The following AFMID variants were observed in gnomAD, a reference collection of about 807,000 sequenced individuals.
AFMID encodes kynurenine formamidase.
In AFMID, 39 loss-of-function variants were observed where a neutral mutation model predicts 47.5. That is an observed-to-expected ratio of 0.82 (90% CI 0.64 to 1.07). The LOEUF (loss-of-function observed/expected upper bound fraction) is 1.07. Among genes scored for constraint, AFMID ranks in the 50% least tolerant of loss-of-function variants. The probability of loss-of-function intolerance (pLI) is 0.00; values close to 1 mark genes in which losing one functional copy is unlikely to be tolerated. For missense variants in AFMID, 375 were observed against 387.5 expected, an observed-to-expected ratio of 0.97 and a Z score of 0.27; for synonymous variants, 130 against 153.2, an observed-to-expected ratio of 0.85 and a Z score of 1.12.
At chr17:78,194,663 T>C (rs1333014209) in intron 2 of AFMID, among the ~76,000 whole-genome samples, 2 of 152,180 alleles carry the variant, frequency 1.3e-5, no homozygotes, top group East Asian at 3.9e-4. Context: ...CCACTAGCTT[T>C]TAAATTAGTT....
chr17:78,204,818 C>G lies in AFMID; in HGVS notation c.395-10C>G. 2 of 1,614,228 alleles carry G rather than the reference C, an allele frequency of 1.2e-6. No individual in the cohort carries two copies. The highest frequency in any genetic ancestry group is 1.7e-6 in the Non-Finnish European group (2 of 1,180,040). On this transcript the variant is annotated splice_polypyrimidine_tract_variant and intron_variant, in intron 5 of 10. Transcript: ENST00000409257. The stretch of plus-strand genomic sequence containing the variant: ...GTGCATCCCTGACCCAGCTCATGCT[C>G]TCTGTGCAGGCACCCTGGACCACAT...
chr17:78,194,270 G>A (rs774660540), intron 2 of AFMID, among the ~76,000 whole-genome samples: 2 of 151,940 alleles, frequency 1.3e-5, no homozygotes, highest in Non-Finnish European at 2.9e-5. Context: ...GAATTTACAG[G>A]CGCGTGCCAC....
At chr17:78,193,109 T>C (rs1163795562) in intron 2 of AFMID, among the ~76,000 whole-genome samples, 3 of 151,902 alleles carry the variant, frequency 2.0e-5, no homozygotes, top group Admixed American at 1.3e-4. Flanking sequence ...TGGTGGCTCA[T>C]GCCTGTAATC....
At chr17:78,189,443 G>A (rs567629103) in intron 1 of AFMID, among the ~76,000 whole-genome samples, 5 of 150,768 alleles carry the variant, frequency 3.3e-5, no homozygotes, top group African/African-American at 4.9e-5. Context: ...GGATGGTCTC[G>A]AACTCCTGAC....
intron 1 of AFMID, among the ~76,000 whole-genome samples, chr17:78,190,416 G>A (rs904918089): frequency 5.3e-5 from 8 of 151,856 alleles, no homozygotes. Flanking sequence ...TTTTTTTGAG[G>A]TAGAGTCTTG....
intron 2 of AFMID, among the ~76,000 whole-genome samples, chr17:78,198,811 A>AAAAAC (rs377427188): frequency 0.031 from 4,727 of 152,024 alleles, 243 homozygotes; most frequent in African/African-American, 0.11. Flanking sequence ...TCTGTCTCAA[A>AAAAAC]AAAACAAAAC....
At chr17:78,195,447 G>C (rs1344781224) in intron 2 of AFMID, among the ~76,000 whole-genome samples, 1 of 151,058 alleles carries the variant, frequency 6.6e-6, no homozygotes, top group Non-Finnish European at 1.5e-5. Context: ...CGCCTGCCTC[G>C]ACCTCCCAAA....
At chr17:78,199,561 G>A (rs559003694) in intron 2 of AFMID, among the ~76,000 whole-genome samples, 23 of 152,054 alleles carry the variant, frequency 1.5e-4, no homozygotes, top group African/African-American at 5.5e-4. Context: ...TTTTAGTAGA[G>A]ATGGGGTTTC....
Position 78,202,590 on chromosome 17 carries a change from C to T in AFMID, c.246C>T (p.Asp82=), listed in dbSNP as rs780812146. The change falls in exon 3 of 11, where the codon GAC becomes GAT. Residue 82 remains aspartate (D), a synonymous_variant. Coordinates refer to ENST00000409257, the MANE Select transcript of AFMID (RefSeq NM_001010982.5). The part of the protein sequence containing the change: ...EGEKVDIYFP[D]ESSEALPFFL... ...AGAAAGTGGACATTTACTTCCCCGA[C>T]GAGTCGTCTGAAGGTTGTCGGTGAA... 5.2e-5 allele frequency: 84 copies of T among 1,613,774 alleles called. No homozygotes were observed. In the Admixed American group the frequency reaches 1.2e-3, roughly 23 times the overall value.
intron 2 of AFMID, among the ~76,000 whole-genome samples, chr17:78,198,639 CAA>C (rs57503318): frequency 1.5e-4 from 17 of 116,702 alleles, no homozygotes; most frequent in Non-Finnish European, 2.5e-4. Context: ...AGCTCTGTCT[CAA>C]AAAAAAAAAA....
rs113893011 is a variant in AFMID, at chr17:78,207,069, C to T, written c.*132C>T. On this transcript the variant is annotated 3_prime_UTR_variant, in exon 11 of 11. Coordinates refer to ENST00000409257, the MANE Select transcript of AFMID (RefSeq NM_001010982.5). ...GAGAGCCTTGCTGTGTCTGTCTGCC[C>T]GGCAAGAGTCCATTCTCACTGCTGG... 7.4e-5 allele frequency: 71 copies of T among 953,324 alleles called. 1 individual carries two copies. Among genetic ancestry groups the T allele is most frequent in the Middle Eastern group, 5.6e-4 (2 of 3,570 alleles). 59.1% of individuals were successfully genotyped at this position (953,324 alleles called of 1,614,324 possible). A position where few individuals can be genotyped will look rare whatever the true frequency, so the allele number is the denominator to read the frequency against.
At chr17:78,202,779 T>C (rs1251226465) in intron 4 of AFMID, 28 bp downstream of exon 4, 1 of 1,551,972 alleles carries the variant, frequency 6.4e-7, no homozygotes, top group Non-Finnish European at 8.7e-7. Context: ...GATGGTGGAC[T>C]GCAAGAGAGA....
intron 2 of AFMID, among the ~76,000 whole-genome samples, chr17:78,195,238 A>G (rs1440699093): frequency 6.6e-6 from 1 of 150,974 alleles, no homozygotes; most frequent in East Asian, 1.9e-4. Context: ...TCTGTTGCCC[A>G]GGCTGGAGGG....
At chr17:78,197,336 C>T (rs909780427) in intron 2 of AFMID, 48 of 814,600 alleles carry the variant, frequency 5.9e-5, no homozygotes, top group Non-Finnish European at 7.3e-5. Flanking sequence ...CCTGAGAGTG[C>T]GTCCTACAGA....
At chr17:78,206,439 T>A (rs1455516809) in intron 10 of AFMID, among the ~76,000 whole-genome samples, 1 of 148,820 alleles carries the variant, frequency 6.7e-6, no homozygotes, top group Non-Finnish European at 1.5e-5. Flanking sequence ...AGAGACAGGG[T>A]CTCCTCTCTT....
At chr17:78,191,266 C>T (rs1040860749) in intron 2 of AFMID, among the ~76,000 whole-genome samples, 8 of 152,044 alleles carry the variant, frequency 5.3e-5, no homozygotes, top group South Asian at 2.1e-4. Context: ...AGGAGAGGTC[C>T]GGGGGAGGTC....
chr17:78,194,494 C>G (rs1028912243), intron 2 of AFMID, among the ~76,000 whole-genome samples: 1 of 152,106 alleles, frequency 6.6e-6, no homozygotes, highest in Non-Finnish European at 1.5e-5. Flanking sequence ...TGTTAACTTG[C>G]AATGAGGGAT....
intron 2 of AFMID, among the ~76,000 whole-genome samples, chr17:78,196,036 C>A (rs930966916): frequency 1.3e-5 from 2 of 152,072 alleles, no homozygotes; most frequent in African/African-American, 4.8e-5. Context: ...GACGGGGTTT[C>A]ACCGTGTTAG....
rs756344794 is a variant in AFMID at position 78,204,669 on chromosome 17, GC to G, written c.324del (p.Phe109SerfsTer6). 1.2e-6 allele frequency: 2 copies of G among 1,614,184 alleles called. No homozygotes were observed. Among genetic ancestry groups the G allele is most frequent in the South Asian group, 2.2e-5 (2 of 91,088 alleles). On this transcript the variant is annotated frameshift_variant, in exon 5 of 11. Coordinates refer to ENST00000409257, the MANE Select transcript of AFMID (RefSeq NM_001010982.5). LOFTEE classifies it high-confidence loss of function. ...YWQSGSKDES[A>X]FMVHPLTAQG... is the part of the protein sequence containing the mutation. ...GTGTCTCTGCAGTAAGGATGAGTCT[GC>G]CTTCATGGTCCACCCGCTGACGGCA...
Sources: allele counts gnomAD v4.1 joint callset (sites outside exome capture counted in the v4.1 genomes callset), GRCh38; gene constraint gnomAD v4.1.1; transcripts MANE v1.5; gene names NCBI Gene and HGNC (gene_info 2026-07-23, HGNC 2026-07-21).